The following ATP1A3 variants were observed in gnomAD, a reference collection of about 807,000 sequenced individuals.
ATP1A3 encodes the protein ATPase Na+/K+ transporting subunit alpha 3.
Under a neutral mutation model 108.8 loss-of-function variants are expected in ATP1A3, and 12 were observed. The ratio of observed to expected loss-of-function variants is 0.11; its 90% confidence interval spans 0.07 to 0.18. ATP1A3 has a LOEUF of 0.18. Among genes scored for constraint, ATP1A3 ranks in the 10% least tolerant of loss-of-function variants. The pLI is 1.00. For missense variants in ATP1A3, 498 were observed against 1,387.7 expected (o/e 0.36, Z 10.19); for synonymous variants, 539 against 564.5 (o/e 0.95, Z 0.64).
In ATP1A3 at chr19:41,981,691, G is replaced by A. The variant is rs370865440; in HGVS notation, c.1302+31C>T. The A allele has an allele frequency of 1.1e-5, 17 of 1,614,054 alleles. No homozygotes were observed. The highest frequency in any genetic ancestry group is 1.3e-5 in the Non-Finnish European group (15 of 1,180,024). The stretch of plus-strand genomic sequence containing the variant: ...GACAGCTGAGGGGAGGACACAGGCA[G>A]GGCCGAGGTGAGGCCAGTAGCTGAA... On this transcript the variant is annotated intron_variant, in intron 10 of 22. Transcript: ENST00000648268. The surrounding 1 kb of genome is among the most constrained non-coding windows in gnomAD (Gnocchi z 5.0).
At chr19:41,984,870 C>A in intron 8 of ATP1A3, 48 bp downstream of exon 8, 1 of 1,578,386 alleles carries the variant, frequency 6.3e-7, no homozygotes, top group Non-Finnish European at 8.6e-7. Flanking sequence ...GACCCAGGAG[C>A]CCAGACCCCC....
Position 41,985,256 on chromosome 19 carries a change from C to T in ATP1A3, c.724+50G>A, listed in dbSNP as rs782172142. 2.5e-6 allele frequency: 4 copies of T among 1,614,038 alleles called. No individual in the cohort carries two copies. The South Asian group carries it at 3.3e-5, about 13-fold the overall frequency. Reference sequence around the variant, plus strand: ...GTTCTGGAGGCCTGACCCCCTGGGACACATCCCTGTGTCTGCCCCAGCTGT... The same window carrying T: ...GTTCTGGAGGCCTGACCCCCTGGGATACATCCCTGTGTCTGCCCCAGCTGT... On this transcript the variant is annotated intron_variant, in intron 7 of 22. Coordinates refer to ENST00000648268, the MANE Select transcript of ATP1A3 (RefSeq NM_152296.5). The surrounding 1 kb of genome is among the most constrained non-coding windows in gnomAD (Gnocchi z 8.2).
chr19:41,967,242 C>T lies in ATP1A3; in HGVS notation c.3013+7G>A. On this transcript the variant is annotated splice_region_variant and intron_variant, in intron 22 of 22. Transcript: ENST00000648268. This position sits in a 1 kb window ranked among gnomAD's most constrained non-coding sequence, Gnocchi z 4.2. ...CCCCCCTCGGCTGCCTTGCCGAGCT[C>T]CCTCACCCCCTGGGTTCCTGCGCAG... 6.2e-7 allele frequency: 1 copy of T among 1,614,054 alleles called. No homozygotes were observed. Among genetic ancestry groups the T allele is most frequent in the East Asian group, 2.2e-5 (1 of 44,876 alleles).
chr19:41,986,379 T>C (rs1280677641), intron 4 of ATP1A3, 150 bp from the exon 5 acceptor site: 1 of 670,042 alleles, frequency 1.5e-6, no homozygotes. Context: ...GGTTGGTGTG[T>C]CTGAGTCTCC....
rs2075055858 is a variant in ATP1A3 at position 41,967,464 on chromosome 19, C to A, written c.2922-124G>T. ...CCTTCGTGCTCACAGGTGGAGGGTG[C>A]CCTGGGCGGGGCTGGGGCCTGGGGT... On this transcript the variant is annotated intron_variant, in intron 21 of 22. Transcript: ENST00000648268. The surrounding 1 kb of genome is among the most constrained non-coding windows in gnomAD (Gnocchi z 4.2). The A allele has an allele frequency of 6.2e-6, 8 of 1,283,342 alleles. No homozygotes were observed. The South Asian group carries it at 1.1e-4, about 17-fold the overall frequency. 79.5% of individuals were successfully genotyped at this position (1,283,342 alleles called of 1,614,324 possible).
rs1451381510 is a variant in ATP1A3, at chr19:41,985,446, G to A, written c.607-23C>T. On this transcript the variant is annotated intron_variant, in intron 6 of 22. Coordinates refer to ENST00000648268, the MANE Select transcript of ATP1A3 (RefSeq NM_152296.5). This position sits in a 1 kb window ranked among gnomAD's most constrained non-coding sequence, Gnocchi z 8.2. ...CACCTGGGGGTAGGTGCAGCAGAGA[G>A]AGGGTTCAGTCCAGGGCCTGGGACA... 2 of 1,601,232 alleles carry A rather than the reference G, an allele frequency of 1.2e-6. No individual in the cohort carries two copies. Among genetic ancestry groups the A allele is most frequent in the African/African-American group, 1.3e-5 (1 of 74,730 alleles).
chr19:41,974,157 G>A (rs1218479538), intron 16 of ATP1A3, among the ~76,000 whole-genome samples: 1 of 152,174 alleles, frequency 6.6e-6, no homozygotes, highest in East Asian at 1.9e-4. Context: ...CTTGAACCCA[G>A]GAGGTGGAGG....
intron 16 of ATP1A3, among the ~76,000 whole-genome samples, chr19:41,971,841 A>G (rs559865035): frequency 3.3e-5 from 5 of 152,270 alleles, no homozygotes; most frequent in African/African-American, 1.2e-4. Flanking sequence ...GTAAAAATTT[A>G]TACACCCTGT....
intron 14 of ATP1A3, among the ~76,000 whole-genome samples, chr19:41,977,492 C>T (rs2075183737): frequency 6.7e-6 from 1 of 149,120 alleles, no homozygotes; most frequent in Admixed American, 6.7e-5. Flanking sequence ...TCGAGACCAG[C>T]CTGGCCAACA....
intron 1 of ATP1A3, chr19:41,993,373 T>A: frequency 6.5e-7 from 1 of 1,535,310 alleles, no homozygotes; most frequent in South Asian, 1.2e-5. Context: ...CACCCTCAGC[T>A]GTGCACTCAG....
Position 41,988,151 on chromosome 19 carries a change from A to G in ATP1A3, c.154-12T>C. 1 of 1,614,128 alleles carries G rather than the reference A, an allele frequency of 6.2e-7. No individual in the cohort carries two copies. Among genetic ancestry groups the G allele is most frequent in the Non-Finnish European group, 8.5e-7 (1 of 1,180,016 alleles). On this transcript the variant is annotated splice_polypyrimidine_tract_variant and intron_variant, in intron 3 of 22. Transcript: ENST00000648268. The surrounding 1 kb of genome is among the most constrained non-coding windows in gnomAD (Gnocchi z 5.3). The stretch of plus-strand genomic sequence containing the variant: ...CTGTGGGTCAAACCCTGAGGGACAG[A>G]GGACTCACACAGAACCCTCCCTGGG...
At chr19:41,986,475 C>A (rs2075287886) in intron 4 of ATP1A3, 1 of 402,430 alleles carries the variant, frequency 2.5e-6, no homozygotes, top group South Asian at 2.1e-5. Flanking sequence ...CAGAGTCTCA[C>A]TCTGTCGCCC....
Position 41,988,405 on chromosome 19 carries a change from G to A in ATP1A3, c.94-28C>T, listed in dbSNP as rs575495887. The A allele has an allele frequency of 4.3e-6, 7 of 1,614,208 alleles. No individual in the cohort carries two copies. The highest frequency in any genetic ancestry group is 5.1e-6 in the Non-Finnish European group (6 of 1,180,038). On this transcript the variant is annotated intron_variant, in intron 2 of 22. Transcript: ENST00000648268. This position sits in a 1 kb window ranked among gnomAD's most constrained non-coding sequence, Gnocchi z 5.3. The stretch of plus-strand genomic sequence containing the variant: ...GAGGAACAGGAGTTTGGGGGAGACG[G>A]TGAGTGCCTAGGCCAGCCAAGAACT...
intron 14 of ATP1A3, among the ~76,000 whole-genome samples, 185 bp downstream of exon 14, chr19:41,977,751 G>A (rs540317424): frequency 6.6e-6 from 1 of 152,244 alleles, no homozygotes; most frequent in South Asian, 2.1e-4. Flanking sequence ...GCAAACCTAT[G>A]CCTGGCTACC....
At position 41,978,901 on chromosome 19, in the gene ATP1A3, C is replaced by A; in HGVS notation, c.1438-103G>T. The A allele has an allele frequency of 8.6e-7, 1 of 1,156,894 alleles. No homozygotes were observed. The highest frequency in any genetic ancestry group is 2.4e-5 in the East Asian group (1 of 41,046). 71.7% of individuals were successfully genotyped at this position (1,156,894 alleles called of 1,614,324 possible). A position where few individuals can be genotyped will look rare whatever the true frequency, so the allele number is the denominator to read the frequency against. On this transcript the variant is annotated intron_variant, in intron 11 of 22. Transcript: ENST00000648268. This position sits in a 1 kb window ranked among gnomAD's most constrained non-coding sequence, Gnocchi z 8.3. ...CAGAGCCACGGGTGCCAGGATAGGCCCACACCAGGGCTCCCCCACACTCTC... is the reference window on the plus strand; with the variant it reads ...CAGAGCCACGGGTGCCAGGATAGGCACACACCAGGGCTCCCCCACACTCTC...
chr19:41,993,162 C>A (rs1207617564), intron 1 of ATP1A3: 2 of 313,136 alleles, frequency 6.4e-6, no homozygotes, highest in African/African-American at 2.2e-5. Context: ...CCACCCACCC[C>A]CTCCTCTCCT....
intron 16 of ATP1A3, among the ~76,000 whole-genome samples, chr19:41,972,383 C>G (rs2145952761): frequency 6.6e-6 from 1 of 151,814 alleles, no homozygotes; most frequent in South Asian, 2.1e-4. Flanking sequence ...GATTGCAGCA[C>G]TGCGCTCCAG....
At chr19:41,977,624 G>A (rs573104607) in intron 14 of ATP1A3, among the ~76,000 whole-genome samples, 31 of 152,212 alleles carry the variant, frequency 2.0e-4, no homozygotes, top group Non-Finnish European at 3.5e-4. Context: ...GCTTGAACCC[G>A]GGAGGCGGAG....
rs533014903 is a variant in ATP1A3, at chr19:41,967,084, A to G, written c.3014-119T>C. 6.4e-7 allele frequency: 1 copy of G among 1,552,042 alleles called. No homozygotes were observed. Among genetic ancestry groups the G allele is most frequent in the Non-Finnish European group, 8.7e-7 (1 of 1,147,202 alleles). ...AGAGAGACAAGGAAACCACACAGAC[A>G]GAGACCCGTGAGAAGACAGAGTGGG... is the stretch of plus-strand genomic sequence containing the variant. On this transcript the variant is annotated intron_variant, in intron 22 of 22. Coordinates refer to ENST00000648268, the MANE Select transcript of ATP1A3 (RefSeq NM_152296.5). The surrounding 1 kb of genome is among the most constrained non-coding windows in gnomAD (Gnocchi z 4.2).
Sources: allele counts gnomAD v4.1 joint callset (sites outside exome capture counted in the v4.1 genomes callset), GRCh38; gene constraint gnomAD v4.1.1; non-coding constraint Gnocchi (gnomAD v3.1); transcripts MANE v1.5; gene names NCBI Gene and HGNC (gene_info 2026-07-23, HGNC 2026-07-21).